Variants in MAGED1 observed in about 807,000 individuals in gnomAD.
MAGED1 encodes the protein MAGE family member D1, also known as melanoma-associated antigen D1.
A neutral mutation model predicts 54.1 loss-of-function variants in MAGED1; 3 were observed. The ratio of observed to expected loss-of-function variants is 0.06; its 90% CI spans 0.03 to 0.14. The LOEUF (loss-of-function observed/expected upper bound fraction) is 0.14, where lower values mean the gene tolerates loss of function less well. MAGED1 is among the 10% of genes least tolerant of loss of function. The probability of loss-of-function intolerance (pLI) is 1.00; values close to 1 mark genes in which losing one functional copy is unlikely to be tolerated. For synonymous variants in MAGED1, 217 were observed against 227.3 expected (o/e 0.95, Z 0.41); for missense variants, 485 against 623.4 (o/e 0.78, Z 2.36).
At chrX:51,841,686 A>C (rs1472009517) in intron 1 of MAGED1, among the ~76,000 whole-genome samples, 1 of 111,660 alleles carries the variant, frequency 9.0e-6, no homozygotes, top group South Asian at 3.7e-4. Flanking sequence ...CATTTATTAA[A>C]TAGGGAATCC....
At chrX:51,819,667 T>G (rs782227362) in intron 1 of MAGED1, among the ~76,000 whole-genome samples, 1 of 111,633 alleles carries the variant, frequency 9.0e-6, no homozygotes, top group Non-Finnish European at 1.9e-5. Flanking sequence ...TTTAATTGTT[T>G]AGTCATATGA....
chrX:51,854,343 T>C (rs1285837569), intron 1 of MAGED1, among the ~76,000 whole-genome samples: 1 of 112,039 alleles, frequency 8.9e-6, no homozygotes, highest in Non-Finnish European at 1.9e-5. Flanking sequence ...CTGCTGAATT[T>C]GGAAAGAGCT....
At chrX:51,809,210 G>T (rs1415886737) in intron 1 of MAGED1, among the ~76,000 whole-genome samples, 3 of 111,466 alleles carry the variant, frequency 2.7e-5, no homozygotes, top group African/African-American at 9.8e-5. Context: ...CGCCTGCCGG[G>T]TTCACGCCAT....
At chrX:51,866,456 G>A (rs1034152945) in intron 1 of MAGED1, among the ~76,000 whole-genome samples, 2 of 111,442 alleles carry the variant, frequency 1.8e-5, no homozygotes, top group East Asian at 2.8e-4. Flanking sequence ...GATTGTCCCC[G>A]GATAAAACTG....
intron 1 of MAGED1, among the ~76,000 whole-genome samples, chrX:51,826,468 A>AT (rs782509439): frequency 5.4e-5 from 6 of 111,087 alleles, no homozygotes; most frequent in South Asian, 7.6e-4. Context: ...TTTCAGCACC[A>AT]TTTTTTTTGG....
Position 51,805,234 on chromosome X carries a change from C to T in MAGED1, c.-37+2117C>T, listed in dbSNP as rs781836661. The stretch of plus-strand genomic sequence containing the variant: ...ATATGTTGTCCATAAATATTTGGTA[C>T]GGTAAAGTGAAATGAATTCAGTGCT... On this transcript the variant is annotated intron_variant, in intron 1 of 12. Transcript: ENST00000375772. Among the ~76,000 whole-genome samples, 10 of 111,754 alleles carry T rather than the reference C, an allele frequency of 8.9e-5. No individual in the cohort carries two copies. The East Asian group carries it at 1.7e-3, about 19-fold the overall frequency.
At chrX:51,860,262 C>T (rs782313659) in intron 1 of MAGED1, among the ~76,000 whole-genome samples, 35 of 110,542 alleles carry the variant, frequency 3.2e-4, no homozygotes, top group Admixed American at 7.7e-4. Flanking sequence ...GAGACTCCGT[C>T]TCAAAAAGAA....
At chrX:51,897,379 C>T (rs1395256586) in intron 5 of MAGED1, 108 bp downstream of exon 5, 7 of 835,682 alleles carry the variant, frequency 8.4e-6, no homozygotes, top group East Asian at 3.2e-5. Context: ...CATGCTCTGT[C>T]GGCATTCTTC....
intron 2 of MAGED1, 151 bp from the exon 3 acceptor site, chrX:51,894,902 G>T (rs1488913213): frequency 3.2e-6 from 3 of 943,300 alleles, no homozygotes; most frequent in Non-Finnish European, 4.3e-6. Context: ...CCCCTCGCGG[G>T]CCCCCTAGAT....
intron 1 of MAGED1, among the ~76,000 whole-genome samples, chrX:51,884,361 A>T (rs974549788): frequency 6.2e-5 from 7 of 112,028 alleles, no homozygotes; most frequent in African/African-American, 2.3e-4. Context: ...CAAGTGCTGC[A>T]AGAAAAGACT....
At position 51,872,750 on chromosome X, in the gene MAGED1, A is replaced by G. The variant is rs782770182; in HGVS notation, c.-36-21519A>G. On this transcript the variant is annotated intron_variant, in intron 1 of 12. Coordinates refer to the MAGED1 transcript ENST00000375772. ...CCAAAGCCATGTAGGACCAGCAATT[A>G]TAATGCACTTGCGTAAGACACTTCT... Among the ~76,000 whole-genome samples the G allele has an allele frequency of 2.0e-4, 23 of 112,375 alleles. No homozygotes were observed. The East Asian group carries it at 6.4e-3, about 31-fold the overall frequency.
chrX:51,894,556 C>A, intron 2 of MAGED1: 1 of 978,565 alleles, frequency 1.0e-6, no homozygotes, highest in Non-Finnish European at 1.4e-6. Context: ...GAGGGGAGAC[C>A]CTGTTAGTAG....
intron 1 of MAGED1, chrX:51,857,511 T>G (rs1224743786): frequency 8.9e-6 from 1 of 111,863 alleles, no homozygotes; most frequent in Non-Finnish European, 1.9e-5. Flanking sequence ...AGTAACCTTA[T>G]GCAATGATGA....
rs782054399 is a variant in MAGED1 at position 51,843,029 on chromosome X, A to AC, written c.-37+39913dup. Among the ~76,000 whole-genome samples, 13 of 111,968 alleles carry AC rather than the reference A, an allele frequency of 1.2e-4. No individual in the cohort carries two copies. In the East Asian group the frequency reaches 3.7e-3, roughly 32 times the overall value. On this transcript the variant is annotated intron_variant, in intron 1 of 12. Transcript: ENST00000375772. Reference sequence around the variant, plus strand: ...ATTATTAAACATGCTTGAAGTAATAACTTCTGGCCTTATAAAGAGTTTTTA... The same window carrying AC: ...ATTATTAAACATGCTTGAAGTAATAACCTTCTGGCCTTATAAAGAGTTTTTA...
At chrX:51,894,974 C>T in intron 2 of MAGED1, 79 bp from the exon 3 acceptor site, 1 of 956,138 alleles carries the variant, frequency 1.0e-6, no homozygotes, top group Middle Eastern at 4.1e-4. Context: ...TGCTGCGCTG[C>T]CACCCGGGCT....
chrX:51,849,705 CCTCT>C (rs1157573819), intron 1 of MAGED1, among the ~76,000 whole-genome samples: 1 of 110,914 alleles, frequency 9.0e-6, no homozygotes, highest in African/African-American at 3.3e-5. Context: ...ACCTTGCTGA[CCTCT>C]CTCTCTAAGT....
intron 1 of MAGED1, among the ~76,000 whole-genome samples, chrX:51,863,885 A>T (rs1484674646): frequency 9.1e-6 from 1 of 109,912 alleles, no homozygotes; most frequent in African/African-American, 3.3e-5. Flanking sequence ...TATATTTTGT[A>T]TATTAACCCC....
At chrX:51,848,236 C>G (rs1419799268) in intron 1 of MAGED1, among the ~76,000 whole-genome samples, 2 of 111,198 alleles carry the variant, frequency 1.8e-5, no homozygotes, top group African/African-American at 6.6e-5. Context: ...TATATACCTG[C>G]AAGACTTGTT....
At chrX:51,814,857 G>T (rs1397149521) in intron 1 of MAGED1, among the ~76,000 whole-genome samples, 1 of 108,974 alleles carries the variant, frequency 9.2e-6, no homozygotes, top group Admixed American at 9.8e-5. Context: ...ACAGCTAGGT[G>T]TGGTGGCTCA....
Sources: allele counts gnomAD v4.1 joint callset (sites outside exome capture counted in the v4.1 genomes callset), GRCh38; gene constraint gnomAD v4.1.1; transcripts MANE v1.5; gene names NCBI Gene and HGNC (gene_info 2026-07-23, HGNC 2026-07-21).